The following CUBN variants were observed in gnomAD, a reference collection of about 807,000 sequenced individuals.
CUBN encodes the protein cubilin, also known as 460 kDa receptor.
In CUBN, 282 loss-of-function variants were observed where a neutral mutation model predicts 405.3. The observed-to-expected ratio is 0.70, with a 90% CI of 0.63 to 0.77. The LOEUF (loss-of-function observed/expected upper bound fraction) is 0.77, where lower values mean the gene tolerates loss of function less well. CUBN is among the 30% of genes least tolerant of loss of function. The pLI is 0.00. For missense variants in CUBN, 4,514 were observed against 4,475.2 expected (o/e 1.01, Z -0.25); for synonymous variants, 1,684 against 1,617.0 (o/e 1.04, Z -0.99).
At chr10:16,930,272 C>T (rs1169282262) in intron 40 of CUBN, among the ~76,000 whole-genome samples, 1 of 152,126 alleles carries the variant, frequency 6.6e-6, no homozygotes, top group Non-Finnish European at 1.5e-5. Flanking sequence ...TAGTATATAC[C>T]CCTTTAAGTG....
chr10:16,892,756 A>T (rs1841072535), intron 54 of CUBN, among the ~76,000 whole-genome samples: 1 of 152,118 alleles, frequency 6.6e-6, no homozygotes, highest in Non-Finnish European at 1.5e-5. Context: ...GGCCTCCAAA[A>T]GTGCTGGGAT....
chr10:16,864,166 T>A (rs1412181505), intron 59 of CUBN, among the ~76,000 whole-genome samples: 1 of 152,158 alleles, frequency 6.6e-6, no homozygotes, highest in East Asian at 1.9e-4. Context: ...ATATGGACAA[T>A]ATCGATGGAG....
intron 47 of CUBN, 50 bp from the exon 48 acceptor site, chr10:16,914,042 C>T: frequency 6.3e-7 from 1 of 1,593,482 alleles, no homozygotes; most frequent in Non-Finnish European, 8.6e-7. Context: ...CAAAATGTTT[C>T]CTTCCATCAA....
intron 48 of CUBN, among the ~76,000 whole-genome samples, chr10:16,909,378 G>A (rs1339121540): frequency 6.6e-6 from 1 of 152,152 alleles, no homozygotes; most frequent in African/African-American, 2.4e-5. Context: ...CTCCCAGGCA[G>A]ATAACAGTAT....
chr10:17,128,703 G>T (rs1242016320), intron 2 of CUBN, among the ~76,000 whole-genome samples: 1 of 152,126 alleles, frequency 6.6e-6, no homozygotes, highest in Non-Finnish European at 1.5e-5. Context: ...ACAAGAACAT[G>T]TCTGATGCCC....
At position 16,915,156 on chromosome 10, in the gene CUBN, T is replaced by C; in HGVS notation, c.7227A>G (p.Arg2409=). ...TGTCAGGAATGGTGTTTCCACAGTA[T>C]CTGCCCAAGATGTTTCCTGTGAGAG... The part of the protein sequence containing the change: ...DNHTSGNILG[R]YCGNTIPDSI... The change falls in exon 47 of 67, where the codon AGA becomes AGG. Residue 2409 remains arginine, a synonymous_variant. Transcript: ENST00000377833. The C allele has an allele frequency of 5.0e-6, 8 of 1,613,966 alleles. No homozygotes were observed. The highest frequency in any genetic ancestry group is 1.1e-5 in the South Asian group (1 of 91,064).
chr10:17,099,572 G>A (rs1430061670), intron 14 of CUBN, among the ~76,000 whole-genome samples: 2 of 152,126 alleles, frequency 1.3e-5, no homozygotes, highest in Non-Finnish European at 2.9e-5. Context: ...ATTATGGTTG[G>A]TCACAGTGGC....
chr10:17,123,545 T>C (rs1837094031), intron 5 of CUBN, 43 bp downstream of exon 5: 6 of 1,399,900 alleles, frequency 4.3e-6, no homozygotes, highest in South Asian at 1.2e-5. Flanking sequence ...AAACCACAGA[T>C]GCTGACCTGC....
rs565051161 is a variant in CUBN at position 16,895,366 on chromosome 10, T to C, written c.8598+3630A>G. Among the ~76,000 whole-genome samples, 1,154 of 138,556 alleles carry C rather than the reference T, an allele frequency of 8.3e-3. 8 individuals carry two copies. The highest frequency in any genetic ancestry group is 0.034 in the African/African-American group (1,026 of 29,928). 90.9% of individuals were successfully genotyped at this position (138,556 alleles called of 152,430 possible). A position where few individuals can be genotyped will look rare whatever the true frequency, so the allele number is the denominator to read the frequency against. ...ACACACACACACACACACATATATA[T>C]ACACACACACACACACATATATATG... On this transcript the variant is annotated intron_variant, in intron 54 of 66. Coordinates refer to ENST00000377833, the MANE Select transcript of CUBN (RefSeq NM_001081.4).
chr10:17,052,895 A>AG (rs1253173617), intron 22 of CUBN, among the ~76,000 whole-genome samples: 2 of 150,102 alleles, frequency 1.3e-5, no homozygotes, highest in Admixed American at 1.3e-4. Context: ...ACAGAAGGAT[A>AG]GGCACATGGA....
intron 48 of CUBN, among the ~76,000 whole-genome samples, chr10:16,909,534 G>GTTTCTAT (rs1841661884): frequency 6.6e-6 from 1 of 152,136 alleles, no homozygotes; most frequent in Admixed American, 6.5e-5. Flanking sequence ...CTGAAAACAG[G>GTTTCTAT]AATGGGCACC....
chr10:16,981,441 G>T (rs575409744), intron 31 of CUBN, among the ~76,000 whole-genome samples: 164 of 63,264 alleles, frequency 2.6e-3, no homozygotes, highest in African/African-American at 4.8e-3. Flanking sequence ...AAGAACTTGG[G>T]TACCAAGAGG....
Position 16,920,055 on chromosome 10 carries a change from C to T in CUBN, c.6729G>A (p.Pro2243=), listed in dbSNP as rs757609735. The T allele has an allele frequency of 3.8e-5, 62 of 1,613,652 alleles. No homozygotes were observed. Among genetic ancestry groups the T allele is most frequent in the East Asian group, 1.1e-4 (5 of 44,872 alleles). The part of the protein sequence containing the change: ...TSPNHPHNYP[P]HADCIWILAA... ...CTAAGATCCAAATGCAATCAGCGTGCGGGGGATAATTATGAGGGTGGTTGG... is the reference window on the plus strand; with the variant it reads ...CTAAGATCCAAATGCAATCAGCGTGTGGGGGATAATTATGAGGGTGGTTGG... The change falls in exon 44 of 67, where the codon CCG becomes CCA. Residue 2243 remains proline (P), a synonymous_variant. Transcript: ENST00000377833.
rs537979132 is a variant in CUBN, at chr10:17,039,438, G to A, written c.4017+1595C>T. 2.2e-4 allele frequency among the ~76,000 whole-genome samples: 33 copies of A among 152,262 alleles called. No individual in the cohort carries two copies. The South Asian group carries it at 5.6e-3, about 26-fold the overall frequency. Reference sequence around the variant, plus strand: ...AGTGCCTGGGTTACAAAGTTAGTAGGAGACAGCACAGACCTTCGAGAAGCC... The same window carrying A: ...AGTGCCTGGGTTACAAAGTTAGTAGAAGACAGCACAGACCTTCGAGAAGCC... On this transcript the variant is annotated intron_variant, in intron 27 of 66. Transcript: ENST00000377833.
At chr10:17,068,491 G>A (rs1835663288) in intron 20 of CUBN, 114 bp downstream of exon 20, 2 of 996,212 alleles carry the variant, frequency 2.0e-6, no homozygotes, top group East Asian at 4.9e-5. Flanking sequence ...TTGTCTTTGA[G>A]TGTACTTTAA....
intron 48 of CUBN, among the ~76,000 whole-genome samples, chr10:16,908,191 G>A (rs1351607281): frequency 6.6e-6 from 1 of 151,952 alleles, no homozygotes; most frequent in Non-Finnish European, 1.5e-5. Context: ...TGTTGCCCAG[G>A]CTGGAGTGCA....
At chr10:17,123,263 G>A (rs568356939) in intron 5 of CUBN, 64 of 444,936 alleles carry the variant, frequency 1.4e-4, no homozygotes, top group African/African-American at 1.2e-3. Flanking sequence ...CAAAGAAAAT[G>A]AGAAAATTTG....
rs909487730 is a variant in CUBN at position 16,869,924 on chromosome 10, C to CA, written c.9237-72dup. ...TATTAAATTGTAGCTTTAGCTCTTG[C>CA]AAAAAAAATGACAAGGAAAAAACTA... On this transcript the variant is annotated intron_variant, in intron 58 of 66. Transcript: ENST00000377833. 1.2e-4 allele frequency: 141 copies of CA among 1,136,448 alleles called. 1 individual carries two copies. Among genetic ancestry groups the CA allele is most frequent in the Middle Eastern group, 4.0e-4 (2 of 5,036 alleles). 70.4% of individuals were successfully genotyped at this position (1,136,448 alleles called of 1,614,324 possible).
chr10:16,915,976 T>A lies in CUBN; in HGVS notation c.7055A>T (p.His2352Leu). The change falls in exon 46 of 67, where the codon CAT becomes CTT. Residue 2352 changes from histidine to leucine, a missense_variant. His to Leu is a moderately conservative substitution (Grantham distance 99). This residue lies in a region of CUBN where 1,613 missense variants were observed against 1,542.8 expected (regional missense o/e 1.05). Transcript: ENST00000377833. The stretch of plus-strand genomic sequence containing the variant: ...GTTGTCTCTGTATGGAAGTGTTGGA[T>A]GTCCAATGCTTTCAACAACACCACT... The part of the protein sequence containing the change: ...GQSGVVESIG[H>L]PTLPYRDNLF... The A allele has an allele frequency of 6.2e-7, 1 of 1,614,152 alleles. No homozygotes were observed. Among genetic ancestry groups the A allele is most frequent in the African/African-American group, 1.3e-5 (1 of 75,028 alleles).
Sources: allele counts gnomAD v4.1 joint callset (sites outside exome capture counted in the v4.1 genomes callset), GRCh38; gene constraint gnomAD v4.1.1; regional missense constraint gnomAD v4.1.1; transcripts MANE v1.5; gene names NCBI Gene and HGNC (gene_info 2026-07-23, HGNC 2026-07-21).